Variants in PDE1C observed in about 807,000 individuals in gnomAD.
PDE1C encodes the protein dual specificity calcium/calmodulin-dependent 3',5'-cyclic nucleotide phosphodiesterase 1C.
PDE1C carries 62 observed loss-of-function variants against 93.1 expected under a neutral mutation model. That is an observed-to-expected ratio of 0.67 (90% CI 0.54 to 0.82). The LOEUF (loss-of-function observed/expected upper bound fraction) is 0.82, where lower values mean the gene tolerates loss of function less well. Among genes scored for constraint, PDE1C ranks in the 40% least tolerant of loss-of-function variants. The pLI is 0.00. For missense variants in PDE1C, 742 were observed against 884.6 expected, an observed-to-expected ratio of 0.84 and a Z score of 2.04; for synonymous variants, 325 against 310.1, an observed-to-expected ratio of 1.05 and a Z score of -0.50.
At chr7:31,893,398 G>C in intron 2 of PDE1C, 3 of 736,946 alleles carry the variant, frequency 4.1e-6, no homozygotes, top group Non-Finnish European at 5.0e-6. Flanking sequence ...TCTAATAACT[G>C]AACGTGTCAA....
chr7:31,758,668 A>G (rs181896748), intron 17 of PDE1C, among the ~76,000 whole-genome samples: 3 of 152,334 alleles, frequency 2.0e-5, no homozygotes, highest in South Asian at 4.1e-4. Flanking sequence ...ACATAGTAAT[A>G]TATATTCTTC....
the PDE1C span, among the ~76,000 whole-genome samples, chr7:31,727,923 A>G: frequency 6.6e-6 from 1 of 152,124 alleles, no homozygotes; most frequent in Non-Finnish European, 1.5e-5. Context: ...ATGCACCTAT[A>G]TTCCTCACTA....
At chr7:32,117,279 C>T (rs147071970) in intron 3 of PDE1C, among the ~76,000 whole-genome samples, 749 of 152,246 alleles carry the variant, frequency 4.9e-3, no homozygotes, top group African/African-American at 0.017. Context: ...AAAACTATGG[C>T]CACGCTCCAC....
downstream of PDE1C, among the ~76,000 whole-genome samples, chr7:31,750,481 T>C (rs569350362): frequency 2.6e-5 from 4 of 152,346 alleles, 1 homozygote; most frequent in South Asian, 8.3e-4. Flanking sequence ...AGGGCCTAAC[T>C]TCTTTTTACC....
At chr7:32,424,651 G>GAT (rs1217766894) in intron 1 of PDE1C, among the ~76,000 whole-genome samples, 1 of 151,950 alleles carries the variant, frequency 6.6e-6, no homozygotes, top group Admixed American at 6.6e-5. Flanking sequence ...ACAAAAAATA[G>GAT]ATATATATAA....
intron 1 of PDE1C, among the ~76,000 whole-genome samples, chr7:32,252,206 T>C (rs1402951641): frequency 6.6e-6 from 1 of 152,218 alleles, no homozygotes; most frequent in East Asian, 1.9e-4. Context: ...AAACATATTT[T>C]CCAAAACAGT....
chr7:32,001,583 A>C (rs2128559552), intron 2 of PDE1C, among the ~76,000 whole-genome samples: 1 of 152,278 alleles, frequency 6.6e-6, no homozygotes, highest in South Asian at 2.1e-4. Context: ...GACTTACTAA[A>C]CCAACACCCA....
chr7:32,024,431 G>A (rs1161346926), intron 2 of PDE1C, among the ~76,000 whole-genome samples: 2 of 151,198 alleles, frequency 1.3e-5, no homozygotes, highest in African/African-American at 2.4e-5. Flanking sequence ...ATGTATAAGA[G>A]AGCTCATTTT....
chr7:32,252,227 T>G (rs1170044439), intron 1 of PDE1C, among the ~76,000 whole-genome samples: 1 of 152,192 alleles, frequency 6.6e-6, no homozygotes, highest in Non-Finnish European at 1.5e-5. Context: ...CTTCATTTGC[T>G]CACTCAGTAA....
intron 1 of PDE1C, among the ~76,000 whole-genome samples, chr7:32,336,034 G>A (rs1349867434): frequency 3.3e-5 from 5 of 152,152 alleles, no homozygotes; most frequent in Non-Finnish European, 5.9e-5. Context: ...AGTCACATCT[G>A]AGATACTGGG....
At chr7:32,096,820 A>AAGATAGATAGATAGAT (rs70989634) in intron 3 of PDE1C, among the ~76,000 whole-genome samples, 4,956 of 144,466 alleles carry the variant, frequency 0.034, 108 homozygotes, top group East Asian at 0.1. Flanking sequence ...AGGGGATAGA[A>AAGATAGATAGATAGAT]AGATAGATAG....
chr7:31,692,400 C>T, the PDE1C span: 1 of 1,471,220 alleles, frequency 6.8e-7, no homozygotes, highest in South Asian at 1.1e-5. Context: ...TTTTATACTT[C>T]CTTAGTGCTG....
intron 7 of PDE1C, 92 bp from the exon 8 acceptor site, chr7:31,850,833 C>A: frequency 3.4e-6 from 3 of 874,502 alleles, no homozygotes; most frequent in Non-Finnish European, 3.9e-6. Context: ...GCCTTTCTAC[C>A]CTGCAGCTGG....
At chr7:32,024,322 G>A (rs1255135779) in intron 2 of PDE1C, among the ~76,000 whole-genome samples, 2 of 151,354 alleles carry the variant, frequency 1.3e-5, no homozygotes, top group Non-Finnish European at 2.9e-5. Context: ...TTTACAATAA[G>A]GACATTAAAA....
intron 3 of PDE1C, among the ~76,000 whole-genome samples, chr7:32,124,490 T>G (rs1799462630): frequency 6.6e-6 from 1 of 152,190 alleles, no homozygotes; most frequent in Non-Finnish European, 1.5e-5. Flanking sequence ...AGCATGGTAC[T>G]GGTACCAAAA....
chr7:31,856,534 T>C (rs927272319), intron 7 of PDE1C, among the ~76,000 whole-genome samples: 8 of 152,204 alleles, frequency 5.3e-5, no homozygotes, highest in African/African-American at 1.9e-4. Context: ...CTGTGCATGA[T>C]TCACTTTTAT....
chr7:31,942,350 T>G (rs1292616466), intron 2 of PDE1C, among the ~76,000 whole-genome samples: 1 of 152,124 alleles, frequency 6.6e-6, no homozygotes, highest in East Asian at 1.9e-4. Flanking sequence ...CTAAACTGCC[T>G]TTTATCATCA....
chr7:32,312,252 A>G (rs530755480), intron 1 of PDE1C, among the ~76,000 whole-genome samples: 1 of 152,290 alleles, frequency 6.6e-6, no homozygotes, highest in South Asian at 2.1e-4. Flanking sequence ...AAGGAAATAA[A>G]AGAGGATACA....
At chr7:31,697,590 C>G in the PDE1C span, among the ~76,000 whole-genome samples, 2 of 152,164 alleles carry the variant, frequency 1.3e-5, no homozygotes, top group Non-Finnish European at 2.9e-5. Flanking sequence ...GAACTATGAG[C>G]ACAGCCCCAG....
Sources: allele counts gnomAD v4.1 joint callset (sites outside exome capture counted in the v4.1 genomes callset), GRCh38; gene constraint gnomAD v4.1.1; transcripts MANE v1.5; gene names NCBI Gene and HGNC (gene_info 2026-07-23, HGNC 2026-07-21).